The following PID1 variants were observed in gnomAD, a reference collection of about 807,000 sequenced individuals.
PID1 encodes the protein PTB-containing, cubilin and LRP1-interacting protein.
A neutral mutation model predicts 19.1 loss-of-function variants in PID1; 10 were observed. That is an observed-to-expected ratio of 0.52 (90% CI 0.32 to 0.89). The LOEUF (loss-of-function observed/expected upper bound fraction) is 0.89, where lower values mean the gene tolerates loss of function less well. PID1 is among the 40% of genes least tolerant of loss of function. The probability of loss-of-function intolerance (pLI) is 0.03; values close to 1 mark genes in which losing one functional copy is unlikely to be tolerated. For missense variants in PID1, 248 were observed against 285.3 expected, an observed-to-expected ratio of 0.87 and a Z score of 0.94; for synonymous variants, 130 against 116.0, an observed-to-expected ratio of 1.12 and a Z score of -0.78.
intron 1 of PID1, among the ~76,000 whole-genome samples, chr2:229,240,149 C>A (rs191658956): frequency 2.6e-5 from 4 of 152,106 alleles, no homozygotes; most frequent in Non-Finnish European, 5.9e-5. Context: ...CAAACAGATA[C>A]ATTGCTAATT....
At chr2:229,175,234 C>A (rs1690796631) in intron 1 of PID1, among the ~76,000 whole-genome samples, 1 of 152,140 alleles carries the variant, frequency 6.6e-6, no homozygotes, top group Non-Finnish European at 1.5e-5. Flanking sequence ...GACACAGACA[C>A]AACACAAAGC....
At chr2:229,178,649 A>G (rs547681656) in intron 1 of PID1, among the ~76,000 whole-genome samples, 1 of 152,228 alleles carries the variant, frequency 6.6e-6, no homozygotes, top group Non-Finnish European at 1.5e-5. Flanking sequence ...AATGTTTACT[A>G]ATTATATCCA....
chr2:229,164,971 C>T (rs563129980), intron 1 of PID1, among the ~76,000 whole-genome samples: 55 of 152,188 alleles, frequency 3.6e-4, no homozygotes, highest in Non-Finnish European at 7.1e-4. Context: ...GGCTGGACAA[C>T]ATCCACTGGA....
rs1691081572 is a variant in PID1 at position 229,184,835 on chromosome 2, ATATATATATCCCG to A, written c.31-28884_31-28872del. Among the ~76,000 whole-genome samples the A allele has an allele frequency of 6.9e-4, 6 of 8,646 alleles. 1 individual carries two copies. The highest frequency in any genetic ancestry group is 1.4e-3 in the South Asian group (1 of 706). The allele number at this position is 8,646 out of a possible 152,430, so 5.7% of individuals were successfully genotyped here. On this transcript the variant is annotated intron_variant, in intron 1 of 2. Coordinates refer to ENST00000392055, the MANE Select transcript of PID1 (RefSeq NM_001100818.2). ...TATATCCCGTATATATATATCCCGT[ATATATATATCCCG>A]TATATATATCCCGTATATATCCCAT...
intron 2 of PID1, among the ~76,000 whole-genome samples, chr2:229,062,826 C>T (rs919112433): frequency 5.3e-5 from 8 of 151,822 alleles, no homozygotes; most frequent in Non-Finnish European, 8.8e-5. Context: ...TTTGTCTGTT[C>T]GGATTTTCTT....
chr2:229,057,216 T>C (rs1694121086), intron 2 of PID1, among the ~76,000 whole-genome samples: 1 of 152,032 alleles, frequency 6.6e-6, no homozygotes, highest in African/African-American at 2.4e-5. Context: ...GGAGGGCAGA[T>C]TACTTGAGGT....
At chr2:229,078,357 A>T (rs1694605098) in intron 2 of PID1, among the ~76,000 whole-genome samples, 2 of 152,106 alleles carry the variant, frequency 1.3e-5, no homozygotes, top group African/African-American at 4.8e-5. Context: ...AGATAATGTG[A>T]CTTCTTCTCT....
intron 1 of PID1, among the ~76,000 whole-genome samples, chr2:229,156,787 C>A (rs1242630701): frequency 6.6e-6 from 1 of 152,144 alleles, no homozygotes; most frequent in Non-Finnish European, 1.5e-5. Flanking sequence ...CAAGTTCTTA[C>A]CTTGGCCTTT....
At chr2:229,138,814 A>G (rs908235490) in intron 2 of PID1, among the ~76,000 whole-genome samples, 4 of 151,752 alleles carry the variant, frequency 2.6e-5, no homozygotes, top group Admixed American at 2.0e-4. Flanking sequence ...ATCAAATCAA[A>G]GAACCATCAG....
chr2:229,137,131 C>T (rs1023452709), intron 2 of PID1, among the ~76,000 whole-genome samples: 1 of 152,174 alleles, frequency 6.6e-6, no homozygotes. Flanking sequence ...ATCACAAAAT[C>T]TCTGCATACA....
chr2:229,238,903 G>GC (rs1243737380), intron 1 of PID1, among the ~76,000 whole-genome samples: 1 of 151,910 alleles, frequency 6.6e-6, no homozygotes, highest in Non-Finnish European at 1.5e-5. Context: ...CACAGCAATA[G>GC]CATTAGTAAT....
intron 2 of PID1, among the ~76,000 whole-genome samples, chr2:229,148,100 C>T (rs141055494): frequency 6.6e-6 from 1 of 152,314 alleles, no homozygotes; most frequent in East Asian, 1.9e-4. Context: ...TCACTTGAAA[C>T]ACCTGTATCA....
Position 229,255,310 on chromosome 2 carries a change from C to T in PID1, c.30+15704G>A, listed in dbSNP as rs932179129. The stretch of plus-strand genomic sequence containing the variant: ...AAAAATCATCAGAATCCTGTAACTG[C>T]AGGAAATGGGTAGCGTTAAGCAGAT... On this transcript the variant is annotated intron_variant, in intron 1 of 2. Coordinates refer to ENST00000392055, the MANE Select transcript of PID1 (RefSeq NM_001100818.2). Among the ~76,000 whole-genome samples the T allele has an allele frequency of 3.3e-5, 5 of 152,148 alleles. No individual in the cohort carries two copies. The East Asian group carries it at 7.7e-4, about 23-fold the overall frequency.
intron 1 of PID1, among the ~76,000 whole-genome samples, chr2:229,212,415 C>T (rs1193331545): frequency 6.6e-6 from 1 of 152,138 alleles, no homozygotes; most frequent in Non-Finnish European, 1.5e-5. Flanking sequence ...ACCCAGGTTC[C>T]CATACAGCAG....
chr2:229,214,371 C>G (rs1011326163), intron 1 of PID1, among the ~76,000 whole-genome samples: 1 of 152,130 alleles, frequency 6.6e-6, no homozygotes, highest in Non-Finnish European at 1.5e-5. Flanking sequence ...TTCCACCCTG[C>G]CCTTCCCTGC....
At chr2:229,148,740 G>A (rs1293723563) in intron 2 of PID1, among the ~76,000 whole-genome samples, 3 of 151,636 alleles carry the variant, frequency 2.0e-5, no homozygotes, top group Non-Finnish European at 4.4e-5. Context: ...GGAAGGAAAG[G>A]AGGGAGGGAA....
intron 2 of PID1, among the ~76,000 whole-genome samples, chr2:229,153,596 T>C (rs978381271): frequency 2.6e-5 from 4 of 152,200 alleles, no homozygotes; most frequent in Admixed American, 2.0e-4. Context: ...TATTTTTTTT[T>C]CAACGTCCTT....
intron 2 of PID1, among the ~76,000 whole-genome samples, chr2:229,035,742 T>C (rs1262926142): frequency 6.6e-6 from 1 of 152,200 alleles, no homozygotes; most frequent in Non-Finnish European, 1.5e-5. Flanking sequence ...TCCATTCTTA[T>C]ATCATTTACC....
At chr2:229,205,899 T>C (rs935652461) in intron 1 of PID1, among the ~76,000 whole-genome samples, 1 of 152,184 alleles carries the variant, frequency 6.6e-6, no homozygotes, top group Admixed American at 6.5e-5. Context: ...ATCCCAGCTA[T>C]GATAATGTTT....
Sources: gnomAD v4.1 joint callset for allele counts (sites outside exome capture counted in the v4.1 genomes callset) on GRCh38, gnomAD v4.1.1 for gene constraint, MANE v1.5 for transcripts, NCBI Gene and HGNC (gene_info 2026-07-23, HGNC 2026-07-21) for gene names.